Variants in CDADC1 observed in about 807,000 individuals in gnomAD.
CDADC1 encodes dCTP deaminase.
CDADC1 carries 39 observed loss-of-function variants against 54.9 expected under a neutral mutation model. The observed-to-expected ratio is 0.71, with a 90% CI of 0.55 to 0.93. The LOEUF is 0.93. CDADC1 is among the 40% of genes least tolerant of loss of function. The pLI, the probability that CDADC1 is intolerant of heterozygous loss-of-function variation, is 0.00. For synonymous variants in CDADC1, 186 were observed against 204.0 expected, an observed-to-expected ratio of 0.91 and a Z score of 0.75; for missense variants, 518 against 618.8, an observed-to-expected ratio of 0.84 and a Z score of 1.73.
At chr13:49,279,238 G>A (rs140482154) in intron 7 of CDADC1, among the ~76,000 whole-genome samples, 32 of 152,206 alleles carry the variant, frequency 2.1e-4, no homozygotes, top group African/African-American at 7.5e-4. Context: ...GATATGAGAC[G>A]GCATCCACCT....
At chr13:49,273,183 T>C (rs1331782155) in intron 5 of CDADC1, among the ~76,000 whole-genome samples, 1 of 152,244 alleles carries the variant, frequency 6.6e-6, no homozygotes, top group Non-Finnish European at 1.5e-5. Flanking sequence ...TTAATGCAAT[T>C]GTGGCACAAA....
At chr13:49,267,464 ATT>A in intron 4 of CDADC1, 24 bp from the exon 5 acceptor site, 2 of 1,579,452 alleles carry the variant, frequency 1.3e-6, no homozygotes, top group Non-Finnish European at 1.7e-6. Flanking sequence ...GTATCTCATA[ATT>A]ACCTTTCGTA....
At chr13:49,265,843 G>C (rs7326191) in intron 4 of CDADC1, 1 of 1,289,254 alleles carries the variant, frequency 7.8e-7, no homozygotes, top group Non-Finnish European at 1.0e-6. Flanking sequence ...ATACACAAAT[G>C]TCTGTCTAAA....
chr13:49,255,693 A>G, intron 2 of CDADC1, 146 bp from the exon 3 acceptor site: 1 of 946,156 alleles, frequency 1.1e-6, no homozygotes, highest in Non-Finnish European at 1.6e-6. Flanking sequence ...ACTTGATCCA[A>G]ACAAAGTGGG....
intron 9 of CDADC1, among the ~76,000 whole-genome samples, chr13:49,287,887 T>C (rs1953568366): frequency 6.6e-6 from 1 of 151,452 alleles, no homozygotes; most frequent in Admixed American, 6.6e-5. Flanking sequence ...TGGAAGGATC[T>C]CTTAAGCATG....
chr13:49,271,447 C>T (rs1043677582), intron 5 of CDADC1, among the ~76,000 whole-genome samples: 3 of 152,022 alleles, frequency 2.0e-5, no homozygotes, highest in Non-Finnish European at 4.4e-5. Flanking sequence ...CTGGAGTAAT[C>T]AAGAAAGTTA....
At position 49,273,902 on chromosome 13, in the gene CDADC1, A is replaced by G. The variant is rs147825820; in HGVS notation, c.1001-389A>G. 7.5e-3 allele frequency among the ~76,000 whole-genome samples: 1,146 copies of G among 152,374 alleles called. 12 individuals are homozygous for G. Among genetic ancestry groups the G allele is most frequent in the African/African-American group, 0.026 (1,071 of 41,590 alleles). On this transcript the variant is annotated intron_variant, in intron 5 of 9. Coordinates refer to ENST00000251108, the MANE Select transcript of CDADC1 (RefSeq NM_030911.4). ...TGTGAACAGTTATTACACAAAATCC[A>G]TTAGTTCTGAAACCTTTATTAAATT...
intron 3 of CDADC1, among the ~76,000 whole-genome samples, chr13:49,258,131 ATAGT>A (rs1298219996): frequency 6.6e-6 from 1 of 152,236 alleles, no homozygotes; most frequent in Non-Finnish European, 1.5e-5. Context: ...TCTTTTTTAG[ATAGT>A]TTACAAATTA....
chr13:49,264,555 CAAA>C (rs140774111), intron 4 of CDADC1, among the ~76,000 whole-genome samples: 5 of 103,866 alleles, frequency 4.8e-5, no homozygotes, highest in African/African-American at 1.5e-4. Flanking sequence ...CCATCTCTAC[CAAA>C]AAAAAAAAAA....
Position 49,267,538 on chromosome 13 carries a change from T to G in CDADC1, c.479T>G (p.Leu160Trp), listed in dbSNP as rs1479722630. The stretch of plus-strand genomic sequence containing the variant: ...TGGCCTGCTGATCCAGAAATAAGTT[T>G]GCTTACGGAGGCTTCTAGTTCTGAA... ...SYWPADPEISLLTEASSSEDA... is the reference protein window; with the variant it reads ...SYWPADPEISWLTEASSSEDA... The change falls in exon 5 of 10, where the codon TTG becomes TGG. Residue 160 changes from leucine (L) to tryptophan (W), a missense_variant. Coordinates refer to ENST00000251108, the MANE Select transcript of CDADC1 (RefSeq NM_030911.4). 30 of 1,613,634 alleles carry G rather than the reference T, an allele frequency of 1.9e-5. No individual in the cohort carries two copies. The highest frequency in any genetic ancestry group is 2.5e-5 in the Non-Finnish European group (29 of 1,179,918).
intron 9 of CDADC1, among the ~76,000 whole-genome samples, chr13:49,287,964 C>A (rs1953570594): frequency 1.4e-5 from 2 of 146,524 alleles, no homozygotes; most frequent in South Asian, 2.1e-4. Context: ...CAGAGTGAGA[C>A]CCTGCCTTAA....
chr13:49,286,906 A>C (rs1953529304), intron 9 of CDADC1, among the ~76,000 whole-genome samples: 1 of 152,248 alleles, frequency 6.6e-6, no homozygotes, highest in Admixed American at 6.5e-5. Context: ...AATAGTAACT[A>C]TAGGCCAGGT....
intron 6 of CDADC1, among the ~76,000 whole-genome samples, chr13:49,274,851 G>A (rs1050201545): frequency 6.6e-6 from 1 of 152,090 alleles, no homozygotes; most frequent in Non-Finnish European, 1.5e-5. Context: ...ACATTTTATG[G>A]CCTCATAGTT....
At chr13:49,277,715 T>A (rs1953190003) in intron 6 of CDADC1, among the ~76,000 whole-genome samples, 1 of 152,220 alleles carries the variant, frequency 6.6e-6, no homozygotes, top group African/African-American at 2.4e-5. Flanking sequence ...TTAACTACTA[T>A]TTCTCTTTAA....
At chr13:49,288,274 G>A (rs1323926512) in intron 9 of CDADC1, among the ~76,000 whole-genome samples, 4 of 152,142 alleles carry the variant, frequency 2.6e-5, no homozygotes, top group African/African-American at 9.7e-5. Context: ...TTGAACAAGT[G>A]TTTGATCTCA....
chr13:49,277,973 C>G (rs980818520), intron 6 of CDADC1, among the ~76,000 whole-genome samples: 2 of 152,118 alleles, frequency 1.3e-5, no homozygotes, highest in Non-Finnish European at 2.9e-5. Context: ...ACAGAATACT[C>G]GAACATGTTG....
Position 49,279,113 on chromosome 13 carries a change from T to A in CDADC1, c.1220+594T>A, listed in dbSNP as rs562936526. ...AAGAGCTTTTGTTAGTGATTATACC[T>A]GTTAATTTACATCATTTTCACAAAC... On this transcript the variant is annotated intron_variant, in intron 7 of 9. Transcript: ENST00000251108. Among the ~76,000 whole-genome samples the A allele has an allele frequency of 1.1e-4, 17 of 152,340 alleles. No individual in the cohort carries two copies. The South Asian group carries it at 3.3e-3, about 30-fold the overall frequency.
intron 5 of CDADC1, among the ~76,000 whole-genome samples, chr13:49,268,505 A>G (rs1230478982): frequency 6.6e-6 from 1 of 152,098 alleles, no homozygotes; most frequent in Admixed American, 6.6e-5. Context: ...TAACAAAAAA[A>G]TTAGCTGGGC....
chr13:49,282,025 C>T (rs1953354893), intron 8 of CDADC1, among the ~76,000 whole-genome samples: 2 of 150,422 alleles, frequency 1.3e-5, no homozygotes, highest in African/African-American at 2.4e-5. Context: ...ACCATGTTGG[C>T]CAGGCTGCTC....
Sources: gnomAD v4.1 joint callset for allele counts (sites outside exome capture counted in the v4.1 genomes callset) on GRCh38, gnomAD v4.1.1 for gene constraint, MANE v1.5 for transcripts, NCBI Gene and HGNC (gene_info 2026-07-23, HGNC 2026-07-21) for gene names.